The following MCTP1 variants were observed in gnomAD, a reference collection of about 807,000 sequenced individuals.
MCTP1 encodes multiple C2 and transmembrane domain containing 1, also known as multiple C2 and transmembrane domain-containing protein 1.
In MCTP1, 69 loss-of-function variants were observed where a neutral mutation model predicts 120.6. The observed-to-expected ratio is 0.57, with a 90% CI of 0.47 to 0.70. The LOEUF (loss-of-function observed/expected upper bound fraction) is 0.70. Among genes scored for constraint, MCTP1 ranks in the 30% least tolerant of loss-of-function variants. The pLI, the probability that MCTP1 is intolerant of heterozygous loss-of-function variation, is 0.00. For missense variants in MCTP1, 1,203 were observed against 1,248.8 expected (o/e 0.96, Z 0.55); for synonymous variants, 529 against 493.1 (o/e 1.07, Z -0.96).
At chr5:94,974,941 A>G (rs1827772373) in intron 2 of MCTP1, among the ~76,000 whole-genome samples, 2 of 152,290 alleles carry the variant, frequency 1.3e-5, no homozygotes, top group Non-Finnish European at 2.9e-5. Flanking sequence ...TCATATATTC[A>G]CTTTGAGAAA....
chr5:95,099,354 A>C (rs1313358412), intron 1 of MCTP1, among the ~76,000 whole-genome samples: 2 of 151,094 alleles, frequency 1.3e-5, no homozygotes, highest in African/African-American at 2.4e-5. Flanking sequence ...AATGGGAGAA[A>C]ATTTTCGCAA....
At position 94,961,905 on chromosome 5, in the gene MCTP1, G is replaced by C. The variant is rs79575559; in HGVS notation, c.839-8544C>G. ...CACTTTTCGATGTGATTTTTTTCTT[G>C]CTAATTTGTTTGTGCTCATTGTAGA... On this transcript the variant is annotated intron_variant, in intron 2 of 22. Coordinates refer to ENST00000515393, the MANE Select transcript of MCTP1 (RefSeq NM_024717.7). Among the ~76,000 whole-genome samples, 1,820 of 152,100 alleles carry C rather than the reference G, an allele frequency of 0.012. 197 individuals carry two copies. The East Asian group carries it at 0.27, about 22-fold the overall frequency.
At chr5:94,770,632 G>A (rs111531074) in intron 19 of MCTP1, among the ~76,000 whole-genome samples, 5,651 of 152,272 alleles carry the variant, frequency 0.037, 125 homozygotes, top group Middle Eastern at 0.058. Context: ...AGACTGGAGA[G>A]GTGCTTCTGC....
At chr5:94,902,569 T>C (rs1280523854) in intron 10 of MCTP1, among the ~76,000 whole-genome samples, 3 of 152,172 alleles carry the variant, frequency 2.0e-5, no homozygotes, top group Non-Finnish European at 4.4e-5. Context: ...TGTATGAAGC[T>C]TTTTGAGATT....
intron 1 of MCTP1, among the ~76,000 whole-genome samples, chr5:95,149,220 T>C (rs556498960): frequency 6.6e-6 from 1 of 152,334 alleles, no homozygotes; most frequent in East Asian, 1.9e-4. Flanking sequence ...AGGCCACAGC[T>C]GGCAGATAGG....
At chr5:94,904,512 A>T (rs967414518) in intron 10 of MCTP1, among the ~76,000 whole-genome samples, 4 of 152,214 alleles carry the variant, frequency 2.6e-5, no homozygotes, top group Non-Finnish European at 1.5e-5. Context: ...AGATATCATG[A>T]TGATGAAAAG....
chr5:94,885,790 T>G (rs1801193476), intron 12 of MCTP1, among the ~76,000 whole-genome samples: 1 of 152,172 alleles, frequency 6.6e-6, no homozygotes, highest in Admixed American at 6.5e-5. Context: ...AGAGGTATTT[T>G]TCAGTGACTC....
At chr5:94,853,607 A>T (rs1379218541) in intron 17 of MCTP1, among the ~76,000 whole-genome samples, 1 of 151,878 alleles carries the variant, frequency 6.6e-6, no homozygotes, top group African/African-American at 2.4e-5. Context: ...TTTCATATTT[A>T]TCATCTTATA....
chr5:95,223,727 G>C (rs2152621563), intron 1 of MCTP1, among the ~76,000 whole-genome samples: 1 of 152,184 alleles, frequency 6.6e-6, no homozygotes. Flanking sequence ...GGACTCAAAG[G>C]GAAGGAACAC....
intron 1 of MCTP1, among the ~76,000 whole-genome samples, chr5:95,232,461 T>G (rs867808447): frequency 6.8e-6 from 1 of 147,948 alleles, no homozygotes; most frequent in Middle Eastern, 3.4e-3. Context: ...AATTTAATTT[T>G]TTTTTTTTTT....
chr5:94,963,819 G>A (rs1364709777), intron 2 of MCTP1, among the ~76,000 whole-genome samples: 9 of 152,046 alleles, frequency 5.9e-5, no homozygotes, highest in African/African-American at 2.2e-4. Flanking sequence ...TCAGTTTGAT[G>A]TATTCCCATG....
intron 1 of MCTP1, among the ~76,000 whole-genome samples, chr5:95,220,173 T>C (rs924293746): frequency 2.6e-5 from 4 of 152,224 alleles, no homozygotes; most frequent in Non-Finnish European, 5.9e-5. Context: ...ATAGCCTATG[T>C]CATTGAAGAG....
chr5:95,259,438 AC>A (rs1406310743), intron 1 of MCTP1, among the ~76,000 whole-genome samples: 1 of 151,994 alleles, frequency 6.6e-6, no homozygotes, highest in Non-Finnish European at 1.5e-5. Flanking sequence ...ATAGCCCCCC[AC>A]TTTGTCTGGA....
rs766406559 is a variant in MCTP1, at chr5:94,871,365, G to A, written c.2089C>T (p.Arg697Trp). 4.1e-5 allele frequency: 66 copies of A among 1,612,374 alleles called. No individual in the cohort carries two copies. The Middle Eastern group carries it at 5.0e-4, about 12-fold the overall frequency. ...CCCAGAAAGTCAGCACTTCGATCCC[G>A]ATCTTCATCATAAACTGTCACTTCA... ...VLEVTVYDED[R>W]DRSADFLGKV... Residue 697 changes from arginine (R) to tryptophan (W), a missense_variant, in exon 14 of 23, where the codon CGG (arginine) becomes TGG (tryptophan). By Grantham distance (101) the Arg-to-Trp change is moderately radical. Coordinates refer to ENST00000515393, the MANE Select transcript of MCTP1 (RefSeq NM_024717.7).
intron 5 of MCTP1, among the ~76,000 whole-genome samples, chr5:94,934,934 G>C (rs905099825): frequency 6.6e-6 from 1 of 151,792 alleles, no homozygotes; most frequent in African/African-American, 2.4e-5. Context: ...GCTAGAAAAA[G>C]AGCCAGAAAG....
chr5:94,929,687 T>C (rs1344505377), intron 6 of MCTP1: 6 of 985,072 alleles, frequency 6.1e-6, no homozygotes, highest in South Asian at 4.7e-5. Context: ...GCAGTTTCAA[T>C]GTAGCAGAGT....
chr5:94,951,539 T>C (rs915184303), intron 3 of MCTP1, among the ~76,000 whole-genome samples: 3 of 152,220 alleles, frequency 2.0e-5, no homozygotes, highest in Non-Finnish European at 4.4e-5. Flanking sequence ...GCTGTCCTTA[T>C]TAATACCTGC....
intron 3 of MCTP1, among the ~76,000 whole-genome samples, chr5:94,944,402 G>T (rs1416494110): frequency 6.6e-6 from 1 of 152,132 alleles, no homozygotes; most frequent in African/African-American, 2.4e-5. Context: ...CTCTGTATTT[G>T]CAAGTGGCTG....
chr5:95,170,217 G>A (rs138788387), intron 1 of MCTP1, among the ~76,000 whole-genome samples: 1,762 of 152,270 alleles, frequency 0.012, 33 homozygotes, highest in African/African-American at 0.039. Context: ...GTAGTTGAGT[G>A]GTTTTCAGTG....
Sources: gnomAD v4.1 joint callset for allele counts (sites outside exome capture counted in the v4.1 genomes callset) on GRCh38, gnomAD v4.1.1 for gene constraint, MANE v1.5 for transcripts, NCBI Gene and HGNC (gene_info 2026-07-23, HGNC 2026-07-21) for gene names.